Variants in PDE2A observed in about 807,000 individuals in gnomAD.
PDE2A encodes cGMP-dependent 3',5'-cyclic phosphodiesterase.
Under a neutral mutation model 133.6 loss-of-function variants are expected in PDE2A, and 53 were observed. The ratio of observed to expected loss-of-function variants is 0.40; its 90% CI spans 0.32 to 0.50. PDE2A has a LOEUF of 0.50. PDE2A is among the 20% of genes least tolerant of loss of function. The pLI is 0.73. For missense variants in PDE2A, 796 were observed against 1,232.4 expected (o/e 0.65, Z 5.30); for synonymous variants, 491 against 490.2 (o/e 1.00, Z -0.02).
In PDE2A at chr11:72,582,428, G is replaced by C. The variant is rs897806403; in HGVS notation, c.1851+16C>G. 2 of 1,612,576 alleles carry C rather than the reference G, an allele frequency of 1.2e-6. No individual in the cohort carries two copies. Among genetic ancestry groups the C allele is most frequent in the African/African-American group, 1.3e-5 (1 of 74,906 alleles). ...TACCTTCGGCCTGGCCAGTCAAGTG[G>C]AGGAGAGCAACTCACCATGGACGTG... On this transcript the variant is annotated intron_variant, in intron 21 of 30. Coordinates refer to ENST00000334456, the MANE Select transcript of PDE2A (RefSeq NM_002599.5).
At chr11:72,584,846 C>G in intron 17 of PDE2A, 26 bp downstream of exon 17, 1 of 1,611,950 alleles carries the variant, frequency 6.2e-7, no homozygotes, top group Non-Finnish European at 8.5e-7. Flanking sequence ...CCCCTAGGGC[C>G]ACATACTCCC....
Position 72,590,191 on chromosome 11 carries a change from C to T in PDE2A, c.756+1G>A. The T allele has an allele frequency of 6.5e-7, 1 of 1,549,994 alleles. No individual in the cohort carries two copies. The highest frequency in any genetic ancestry group is 8.7e-7 in the Non-Finnish European group (1 of 1,145,618). On this transcript the variant is annotated splice_donor_variant, in intron 9 of 30. Coordinates refer to ENST00000334456, the MANE Select transcript of PDE2A (RefSeq NM_002599.5). LOFTEE classifies it high-confidence loss of function. This position sits in a 1 kb window ranked among gnomAD's most constrained non-coding sequence, Gnocchi z 4.8. ...TGGCCGGCAGGGGCGCAGGGACTCA[C>T]GTATTGGAGCACTTTGAGCTGCAGG... is the stretch of plus-strand genomic sequence containing the variant.
intron 13 of PDE2A, among the ~76,000 whole-genome samples, chr11:72,587,103 T>C (rs1045530287): frequency 1.2e-4 from 19 of 152,328 alleles, no homozygotes; most frequent in African/African-American, 4.6e-4. Context: ...TTTTCTACAC[T>C]GTTCCCTCGG....
intron 2 of PDE2A, among the ~76,000 whole-genome samples, chr11:72,639,008 G>T (rs1211164026): frequency 6.6e-6 from 1 of 152,262 alleles, no homozygotes; most frequent in South Asian, 2.1e-4. Flanking sequence ...AGAACCTTCT[G>T]GTATGTGACA....
chr11:72,614,868 G>A (rs1052839607), intron 2 of PDE2A, among the ~76,000 whole-genome samples: 1 of 152,146 alleles, frequency 6.6e-6, no homozygotes, highest in Admixed American at 6.5e-5. Flanking sequence ...CTAGTGGTGG[G>A]GAGATATGGA....
At chr11:72,619,407 T>A (rs1857636062) in intron 2 of PDE2A, among the ~76,000 whole-genome samples, 1 of 152,044 alleles carries the variant, frequency 6.6e-6, no homozygotes, top group Non-Finnish European at 1.5e-5. Context: ...GACCATCACA[T>A]CATCATGGCA....
At position 72,590,328 on chromosome 11, in the gene PDE2A, C is replaced by T. The variant is rs1416388876; in HGVS notation, c.704-84G>A. ...CCTCAGGCGCCGCTCAGCTCCGCGCCGGGCCCGCCGCCGGCTCCCGGGATC... is the reference window on the plus strand; with the variant it reads ...CCTCAGGCGCCGCTCAGCTCCGCGCTGGGCCCGCCGCCGGCTCCCGGGATC... On this transcript the variant is annotated intron_variant, in intron 8 of 30. Transcript: ENST00000334456. This position sits in a 1 kb window ranked among gnomAD's most constrained non-coding sequence, Gnocchi z 4.8. The T allele has an allele frequency of 3.3e-6, 5 of 1,537,962 alleles. No individual in the cohort carries two copies. In the East Asian group the frequency reaches 9.8e-5, roughly 30 times the overall value.
rs187079866 is a variant in PDE2A at position 72,653,265 on chromosome 11, C to T, written c.72-10939G>A. The stretch of plus-strand genomic sequence containing the variant: ...GCAAAGAGGTCAAGACCAGTCAGGC[C>T]CTGAGAGACAGAGGCCCAGAGATAA... On this transcript the variant is annotated intron_variant, in intron 1 of 30. Transcript: ENST00000334456. 2.8e-3 allele frequency among the ~76,000 whole-genome samples: 430 copies of T among 152,044 alleles called. 3 individuals carry two copies. The highest frequency in any genetic ancestry group is 3.2e-3 in the Non-Finnish European group (217 of 67,980).
intron 2 of PDE2A, among the ~76,000 whole-genome samples, chr11:72,620,684 A>T (rs546757943): frequency 4.4e-4 from 67 of 152,204 alleles, no homozygotes; most frequent in Non-Finnish European, 4.4e-5. Context: ...CAGATCCCCT[A>T]CTGGTGTGAT....
chr11:72,653,461 C>T (rs958830841), intron 1 of PDE2A, among the ~76,000 whole-genome samples: 23 of 152,072 alleles, frequency 1.5e-4, no homozygotes, highest in Admixed American at 1.1e-3. Context: ...TGATTCCCAG[C>T]GAGGCTCCAC....
At chr11:72,626,742 T>C (rs558732953) in intron 2 of PDE2A, among the ~76,000 whole-genome samples, 1 of 152,192 alleles carries the variant, frequency 6.6e-6, no homozygotes, top group African/African-American at 2.4e-5. Context: ...CCCTGCCTAG[T>C]GCTACCCCCG....
intron 17 of PDE2A, 36 bp downstream of exon 17, chr11:72,584,836 C>T (rs1313789169): frequency 6.8e-6 from 11 of 1,610,810 alleles, no homozygotes; most frequent in Non-Finnish European, 9.3e-6. Flanking sequence ...CTCCCGGACA[C>T]CCCTAGGGCC....
intron 15 of PDE2A, 51 bp downstream of exon 15, chr11:72,585,503 T>G: frequency 6.2e-7 from 1 of 1,612,804 alleles, no homozygotes; most frequent in Non-Finnish European, 8.5e-7. Flanking sequence ...CCTCTGCAAA[T>G]GCCAGCCCCC....
chr11:72,627,334 C>T (rs1301934758), intron 2 of PDE2A, among the ~76,000 whole-genome samples: 3 of 152,174 alleles, frequency 2.0e-5, no homozygotes, highest in Non-Finnish European at 4.4e-5. Context: ...CAACTGTGGG[C>T]TCAGGGAAAT....
Position 72,578,655 on chromosome 11 carries a change from G to A in PDE2A, c.2470-141C>T. 1.3e-6 allele frequency: 1 copy of A among 790,084 alleles called. No individual in the cohort carries two copies. The allele number at this position is 790,084 out of a possible 1,614,324, so 48.9% of individuals were successfully genotyped here. On this transcript the variant is annotated intron_variant, in intron 28 of 30. Coordinates refer to ENST00000334456, the MANE Select transcript of PDE2A (RefSeq NM_002599.5). The surrounding 1 kb of genome is among the most constrained non-coding windows in gnomAD (Gnocchi z 4.2). ...GAGCCGTCCCCACCAGCCCCAGCTT[G>A]GCAGTGGGATGGCCTGAGGCAGGGA...
intron 4 of PDE2A, chr11:72,598,526 G>T: frequency 7.8e-7 from 1 of 1,289,156 alleles, no homozygotes; most frequent in Non-Finnish European, 1.0e-6. Context: ...TGCACCAAAT[G>T]TCACTCCTTG....
chr11:72,589,684 C>A, intron 11 of PDE2A, 67 bp downstream of exon 11: 1 of 1,354,146 alleles, frequency 7.4e-7, no homozygotes, highest in Non-Finnish European at 1.1e-6. Flanking sequence ...CAGGCAGATC[C>A]CAGGAGTGTC....
intron 2 of PDE2A, among the ~76,000 whole-genome samples, chr11:72,639,551 T>C (rs3781926): frequency 0.64 from 97,152 of 151,996 alleles, 31,417 homozygotes; most frequent in Middle Eastern, 0.78. Context: ...CTGCGCCGTA[T>C]GCCTCCCCTC....
At chr11:72,625,404 T>C (rs867577256) in intron 2 of PDE2A, among the ~76,000 whole-genome samples, 4 of 152,160 alleles carry the variant, frequency 2.6e-5, no homozygotes, top group Non-Finnish European at 5.9e-5. Context: ...ACTGAACAAC[T>C]GTGGACAGGA....
Sources: allele counts gnomAD v4.1 joint callset (sites outside exome capture counted in the v4.1 genomes callset), GRCh38; gene constraint gnomAD v4.1.1; non-coding constraint Gnocchi (gnomAD v3.1); transcripts MANE v1.5; gene names NCBI Gene and HGNC (gene_info 2026-07-23, HGNC 2026-07-21).